The following CTNNAL1 variants were observed in gnomAD, a reference collection of about 807,000 sequenced individuals.
CTNNAL1 encodes catenin alpha like 1, also known as alpha-catulin.
In CTNNAL1, 69 loss-of-function variants were observed where a neutral mutation model predicts 93.6. The observed-to-expected ratio is 0.74, with a 90% confidence interval of 0.61 to 0.90. CTNNAL1 has a LOEUF of 0.90. Among genes scored for constraint, CTNNAL1 ranks in the 40% least tolerant of loss-of-function variants. The probability of loss-of-function intolerance (pLI) is 0.00; values close to 1 mark genes in which losing one functional copy is unlikely to be tolerated. For missense variants in CTNNAL1, 836 were observed against 862.0 expected, an observed-to-expected ratio of 0.97 and a Z score of 0.38; for synonymous variants, 286 against 305.4, an observed-to-expected ratio of 0.94 and a Z score of 0.66.
intron 1 of CTNNAL1, 40 bp from the exon 2 acceptor site, chr9:108,999,296 T>G (rs1003729955): frequency 1.3e-6 from 2 of 1,546,700 alleles, no homozygotes; most frequent in East Asian, 4.5e-5. Flanking sequence ...TCTCAATACC[T>G]TTTCTTTTTT....
At chr9:108,957,386 C>T in intron 11 of CTNNAL1, among the ~76,000 whole-genome samples, 1 of 151,906 alleles carries the variant, frequency 6.6e-6, no homozygotes, top group Non-Finnish European at 1.5e-5. Context: ...TGCCAAAGTG[C>T]TGAAATTACA....
chr9:108,970,977 C>T (rs1288868183), intron 9 of CTNNAL1, among the ~76,000 whole-genome samples: 1 of 152,108 alleles, frequency 6.6e-6, no homozygotes, highest in African/African-American at 2.4e-5. Flanking sequence ...GACCCTATAT[C>T]AGAGGAAATT....
At chr9:108,942,909 T>A (rs766895759) in intron 18 of CTNNAL1, 52 bp downstream of exon 18, 4 of 1,609,248 alleles carry the variant, frequency 2.5e-6, no homozygotes, top group Non-Finnish European at 3.4e-6. Flanking sequence ...GTAACTATTT[T>A]CTTTTAAACC....
intron 2 of CTNNAL1, among the ~76,000 whole-genome samples, chr9:108,995,047 G>C (rs1831964854): frequency 6.6e-6 from 1 of 152,178 alleles, no homozygotes; most frequent in African/African-American, 2.4e-5. Flanking sequence ...CACTGACCCT[G>C]AGCCACCCAG....
rs770820529 is a variant in CTNNAL1 at position 108,955,844 on chromosome 9, T to A, written c.1592-17A>T. 1.3e-6 allele frequency: 2 copies of A among 1,538,604 alleles called. No individual in the cohort carries two copies. Among genetic ancestry groups the A allele is most frequent in the South Asian group, 1.3e-5 (1 of 75,596 alleles). On this transcript the variant is annotated splice_polypyrimidine_tract_variant and intron_variant, in intron 11 of 18. Coordinates refer to ENST00000325551, the MANE Select transcript of CTNNAL1 (RefSeq NM_003798.4). ...ACTTCTCTCCTACAAATAACACATATAACTTAAAAAATTTTTTCTATTAAT... is the reference window on the plus strand; with the variant it reads ...ACTTCTCTCCTACAAATAACACATAAAACTTAAAAAATTTTTTCTATTAAT...
chr9:108,946,869 T>A (rs550240531), intron 15 of CTNNAL1, among the ~76,000 whole-genome samples: 18 of 151,952 alleles, frequency 1.2e-4, no homozygotes, highest in African/African-American at 4.3e-4. Flanking sequence ...TCTTTTGTAG[T>A]AAAACACCCC....
intron 4 of CTNNAL1, among the ~76,000 whole-genome samples, chr9:108,988,852 A>C (rs1279536337): frequency 1.3e-5 from 2 of 152,202 alleles, no homozygotes; most frequent in Non-Finnish European, 2.9e-5. Context: ...GCAGCTGATG[A>C]ATATTTGCTG....
chr9:108,992,727 T>A lies in CTNNAL1; in HGVS notation c.424A>T (p.Ile142Leu). 1 of 1,614,084 alleles carries A rather than the reference T, an allele frequency of 6.2e-7. No individual in the cohort carries two copies. The highest frequency in any genetic ancestry group is 8.5e-7 in the Non-Finnish European group (1 of 1,179,980). ...GAAAGAAGTAATCTTGCAGCCTTTA[T>A]CACTCCTGTTTTGTCTGTAAAAATT... is the stretch of plus-strand genomic sequence containing the variant. ...ITIFTDKTGVIKAARLLLSSV... is the reference protein window; with the variant it reads ...ITIFTDKTGVLKAARLLLSSV... Residue 142 changes from isoleucine (I) to leucine (L), a missense_variant, in exon 3 of 19, where the codon ATA becomes TTA. By Grantham distance (5) the Ile-to-Leu change is conservative. Coordinates refer to ENST00000325551, the MANE Select transcript of CTNNAL1 (RefSeq NM_003798.4).
chr9:108,951,910 C>G (rs985751571), intron 14 of CTNNAL1, among the ~76,000 whole-genome samples: 1 of 152,140 alleles, frequency 6.6e-6, no homozygotes, highest in Non-Finnish European at 1.5e-5. Context: ...CGTACTGATG[C>G]TGGCTGGGAG....
chr9:108,952,437 G>C lies in CTNNAL1; in HGVS notation c.1680+7C>G, dbSNP rs773147940. On this transcript the variant is annotated splice_region_variant and intron_variant, in intron 13 of 18. Transcript: ENST00000325551. Reference sequence around the variant, plus strand: ...AAAGGAAGATTAGATGTAGGAATTGGTCTTACCTCAGAGTCAGGCTTGTCT... The same window carrying C: ...AAAGGAAGATTAGATGTAGGAATTGCTCTTACCTCAGAGTCAGGCTTGTCT... 9.3e-6 allele frequency: 15 copies of C among 1,614,144 alleles called. No individual in the cohort carries two copies. The South Asian group carries it at 1.1e-4, about 12-fold the overall frequency.
At chr9:109,011,875 G>A (rs983913852) in intron 1 of CTNNAL1, among the ~76,000 whole-genome samples, 1 of 152,226 alleles carries the variant, frequency 6.6e-6, no homozygotes, top group African/African-American at 2.4e-5. Flanking sequence ...GCATTACATA[G>A]GTGTTATTTA....
chr9:108,990,744 C>T lies in CTNNAL1; in HGVS notation c.621G>A (p.Leu207=). Residue 207 remains leucine, a synonymous_variant, in exon 4 of 19, where the codon CTG becomes CTA. Transcript: ENST00000325551. ...TACATACATTTTGTCTATCTCCACTCAGATGTGCAAACTCCACCATTTCAT... is the reference window on the plus strand; with the variant it reads ...TACATACATTTTGTCTATCTCCACTTAGATGTGCAAACTCCACCATTTCAT... The part of the protein sequence containing the change: ...FGNEMVEFAH[L]SGDRQNDLKD... 1 of 1,613,146 alleles carries T rather than the reference C, an allele frequency of 6.2e-7. No individual in the cohort carries two copies. The highest frequency in any genetic ancestry group is 8.5e-7 in the Non-Finnish European group (1 of 1,179,738).
At chr9:108,991,819 G>A (rs1219045509) in intron 3 of CTNNAL1, 2 of 455,788 alleles carry the variant, frequency 4.4e-6, no homozygotes, top group Admixed American at 4.5e-5. Context: ...CTGGCCAACT[G>A]CTCTCCTCTT....
At position 108,943,723 on chromosome 9, in the gene CTNNAL1, G is replaced by A; in HGVS notation, c.2035C>T (p.Gln679Ter). 6.2e-7 allele frequency: 1 copy of A among 1,612,116 alleles called. No individual in the cohort carries two copies. Among genetic ancestry groups the A allele is most frequent in the African/African-American group, 1.3e-5 (1 of 74,920 alleles). ...QLQTVTKTSLQNKVFLKVDKC... is the reference protein window; with the variant it reads ...QLQTVTKTSL ...TTTACCTTTAGAAATACTTTATTCT[G>A]CAAAGAAGTCTTAGTTACTGTCTGG... is the stretch of plus-strand genomic sequence containing the variant. The change falls in exon 17 of 19, where the codon CAG becomes TAG. Residue 679 changes from glutamine to a stop codon, truncating the protein, a stop_gained. Transcript: ENST00000325551. LOFTEE classifies it high-confidence loss of function.
At chr9:108,944,204 G>A (rs910216172) in intron 15 of CTNNAL1, among the ~76,000 whole-genome samples, 186 bp from the exon 16 acceptor site, 2 of 152,200 alleles carry the variant, frequency 1.3e-5, no homozygotes, top group African/African-American at 4.8e-5. Context: ...TTCAGAAGGA[G>A]TTTCCACAGA....
At chr9:108,967,984 C>T (rs1831008078) in intron 10 of CTNNAL1, among the ~76,000 whole-genome samples, 1 of 152,196 alleles carries the variant, frequency 6.6e-6, no homozygotes, top group Non-Finnish European at 1.5e-5. Context: ...GAATGAATTA[C>T]AGCTAGCTGT....
chr9:108,974,650 T>A (rs1831208857), intron 8 of CTNNAL1, among the ~76,000 whole-genome samples: 1 of 152,016 alleles, frequency 6.6e-6, no homozygotes, highest in African/African-American at 2.4e-5. Flanking sequence ...CCTGAGCTTA[T>A]AATAGTGAGA....
intron 11 of CTNNAL1, among the ~76,000 whole-genome samples, chr9:108,963,303 G>A (rs184749530): frequency 6.6e-6 from 1 of 152,314 alleles, no homozygotes; most frequent in Admixed American, 6.5e-5. Flanking sequence ...GAAACTGCGA[G>A]CATCTCAAAC....
intron 11 of CTNNAL1, among the ~76,000 whole-genome samples, 166 bp downstream of exon 11, chr9:108,965,212 G>C (rs1367712929): frequency 1.3e-5 from 2 of 151,872 alleles, no homozygotes; most frequent in Admixed American, 1.3e-4. Flanking sequence ...AAATAAAGGA[G>C]GATAAAATAA....
Sources: gnomAD v4.1 joint callset for allele counts (sites outside exome capture counted in the v4.1 genomes callset) on GRCh38, gnomAD v4.1.1 for gene constraint, MANE v1.5 for transcripts, NCBI Gene and HGNC (gene_info 2026-07-23, HGNC 2026-07-21) for gene names.